The following SIK3 variants were observed in gnomAD, a reference collection of about 807,000 sequenced individuals.
SIK3 encodes SIK family kinase 3.
SIK3 carries 28 observed loss-of-function variants against 144.2 expected under a neutral mutation model. That is an observed-to-expected ratio of 0.19 (90% CI 0.14 to 0.27). SIK3 has a LOEUF of 0.27. Among genes scored for constraint, SIK3 ranks in the 10% least tolerant of loss-of-function variants. SIK3 has a pLI of 1.00. For missense variants in SIK3, 1,319 were observed against 1,776.0 expected (o/e 0.74, Z 4.62); for synonymous variants, 686 against 676.3 (o/e 1.01, Z -0.22).
At chr11:116,972,467 C>G (rs555479916) in intron 1 of SIK3, among the ~76,000 whole-genome samples, 1 of 152,334 alleles carries the variant, frequency 6.6e-6, no homozygotes, top group African/African-American at 2.4e-5. Context: ...CTTCTTTCTT[C>G]ATCCCCAGCT....
intron 1 of SIK3, among the ~76,000 whole-genome samples, chr11:116,966,895 C>T (rs2135446051): frequency 6.6e-6 from 1 of 150,414 alleles, no homozygotes; most frequent in East Asian, 1.9e-4. Flanking sequence ...GCCCCAGCTA[C>T]TTGGGAGGCT....
At chr11:116,954,161 A>C in intron 2 of SIK3, 54 bp from the exon 3 acceptor site, 1 of 1,429,050 alleles carries the variant, frequency 7.0e-7, no homozygotes, top group African/African-American at 1.4e-5. Context: ...AGGCTGATAC[A>C]GGAAGATAAA....
intron 1 of SIK3, among the ~76,000 whole-genome samples, chr11:117,033,592 T>G (rs1449487697): frequency 6.6e-6 from 1 of 150,898 alleles, no homozygotes; most frequent in Non-Finnish European, 1.5e-5. Flanking sequence ...GCCTGTAGTC[T>G]CAGCTACTCA....
intron 1 of SIK3, among the ~76,000 whole-genome samples, chr11:117,058,875 C>A (rs751922887): frequency 3.3e-5 from 5 of 152,158 alleles, no homozygotes; most frequent in Non-Finnish European, 7.3e-5. Flanking sequence ...TACTGTTAAT[C>A]CACAGCTGGA....
chr11:117,097,659 C>A (rs958336736), intron 1 of SIK3, among the ~76,000 whole-genome samples: 4 of 152,074 alleles, frequency 2.6e-5, no homozygotes, highest in African/African-American at 9.7e-5. Context: ...CGTGCACATT[C>A]CCAGTCCGTG....
chr11:116,876,229 T>C, intron 8 of SIK3, 24 bp downstream of exon 8: 2 of 1,601,364 alleles, frequency 1.2e-6, no homozygotes, highest in Admixed American at 3.5e-5. Flanking sequence ...CATCCCACTT[T>C]GTTCTCCACT....
chr11:116,979,459 G>A (rs964926298), intron 1 of SIK3, among the ~76,000 whole-genome samples: 1 of 151,730 alleles, frequency 6.6e-6, no homozygotes, highest in Non-Finnish European at 1.5e-5. Flanking sequence ...CTTTTTTAAA[G>A]TAAACTTTTA....
intron 1 of SIK3, among the ~76,000 whole-genome samples, chr11:116,978,511 GT>G (rs535704733): frequency 4.1e-5 from 6 of 147,704 alleles, no homozygotes; most frequent in East Asian, 2.0e-4. Context: ...AATCATACTC[GT>G]TTTTTTTTTG....
chr11:116,920,080 T>C (rs1946875196), intron 4 of SIK3, among the ~76,000 whole-genome samples: 1 of 152,068 alleles, frequency 6.6e-6, no homozygotes, highest in Non-Finnish European at 1.5e-5. Context: ...GATTTCAATC[T>C]AATATAAACA....
intron 3 of SIK3, among the ~76,000 whole-genome samples, chr11:116,927,853 C>G (rs1252279751): frequency 1.3e-5 from 2 of 151,710 alleles, no homozygotes; most frequent in Non-Finnish European, 2.9e-5. Context: ...GAGAAAACTC[C>G]TCGACAGAGC....
chr11:116,998,468 C>T (rs1196089833), intron 1 of SIK3, among the ~76,000 whole-genome samples: 4 of 48,088 alleles, frequency 8.3e-5, no homozygotes, highest in Non-Finnish European at 1.7e-4. Flanking sequence ...AAGACTCCGT[C>T]TTAAAAAAAA....
intron 4 of SIK3, among the ~76,000 whole-genome samples, chr11:116,924,052 C>T (rs1175066438): frequency 3.3e-5 from 5 of 151,858 alleles, no homozygotes; most frequent in Admixed American, 1.3e-4. Flanking sequence ...GAGGCTGAGG[C>T]GGGTGGATCA....
chr11:116,884,517 G>A (rs761257254), intron 6 of SIK3, among the ~76,000 whole-genome samples: 1 of 151,966 alleles, frequency 6.6e-6, no homozygotes, highest in East Asian at 1.9e-4. Flanking sequence ...ATGCCACCAC[G>A]CCCAGCTAAT....
chr11:116,953,954 C>T, intron 3 of SIK3, 90 bp downstream of exon 3: 1 of 928,222 alleles, frequency 1.1e-6, no homozygotes, highest in Non-Finnish European at 1.7e-6. Flanking sequence ...CAAGTGACTG[C>T]TGCTCAAGTG....
At chr11:117,065,822 G>T (rs901159273) in intron 1 of SIK3, among the ~76,000 whole-genome samples, 1 of 151,668 alleles carries the variant, frequency 6.6e-6, no homozygotes, top group African/African-American at 2.4e-5. Context: ...TAGAGACAGG[G>T]CTTCACTCTG....
At chr11:117,032,204 A>T (rs1194254410) in intron 1 of SIK3, among the ~76,000 whole-genome samples, 2 of 152,178 alleles carry the variant, frequency 1.3e-5, no homozygotes, top group Non-Finnish European at 1.5e-5. Flanking sequence ...TCTACAAAAA[A>T]TCTTCCTGGG....
chr11:116,862,189 A>C lies in SIK3; in HGVS notation c.2229+13T>G. 2 of 1,614,228 alleles carry C rather than the reference A, an allele frequency of 1.2e-6. No homozygotes were observed. The highest frequency in any genetic ancestry group is 1.7e-6 in the Non-Finnish European group (2 of 1,180,032). ...TCCAAACAAGTTGGAGAAAGCAAAG[A>C]GTGAGGGCCTACTTGAATTTGTTGC... On this transcript the variant is annotated intron_variant, in intron 17 of 24. Transcript: ENST00000445177.
intron 1 of SIK3, among the ~76,000 whole-genome samples, chr11:116,967,677 A>G (rs1949608366): frequency 1.3e-5 from 2 of 152,204 alleles, no homozygotes. Flanking sequence ...CCTATTTCTG[A>G]AAGTCTCACT....
chr11:116,914,468 G>C (rs192235089), intron 4 of SIK3, among the ~76,000 whole-genome samples: 2 of 152,242 alleles, frequency 1.3e-5, no homozygotes, highest in African/African-American at 4.8e-5. Context: ...GTCCCAAAGT[G>C]CTGGGATTAC....
Sources: allele counts gnomAD v4.1 joint callset (sites outside exome capture counted in the v4.1 genomes callset), GRCh38; gene constraint gnomAD v4.1.1; transcripts MANE v1.5; gene names NCBI Gene and HGNC (gene_info 2026-07-23, HGNC 2026-07-21).